WDR36: variants seen among roughly 807,000 people sequenced by gnomAD.
WDR36 encodes the protein WD repeat-containing protein 36.
WDR36 carries 63 observed loss-of-function variants against 112.7 expected under a neutral mutation model. That is an observed-to-expected ratio of 0.56 (90% CI 0.46 to 0.69). The LOEUF is 0.69. Among genes scored for constraint, WDR36 ranks in the 30% least tolerant of loss-of-function variants. WDR36 has a pLI of 0.00. For missense variants in WDR36, 1,226 were observed against 1,070.3 expected, an observed-to-expected ratio of 1.15 and a Z score of -2.03; for synonymous variants, 410 against 362.2, an observed-to-expected ratio of 1.13 and a Z score of -1.50.
At chr5:111,126,313 CTG>C (rs1201547417) in intron 22 of WDR36, among the ~76,000 whole-genome samples, 1 of 151,932 alleles carries the variant, frequency 6.6e-6, no homozygotes, top group African/African-American at 2.4e-5. Flanking sequence ...GACAATAAGA[CTG>C]TTACTTTTAT....
chr5:111,092,587 C>T lies in WDR36; in HGVS notation c.131C>T (p.Thr44Ile), dbSNP rs775806252. 2 of 1,613,894 alleles carry T rather than the reference C, an allele frequency of 1.2e-6. No homozygotes were observed. Among genetic ancestry groups the T allele is most frequent in the African/African-American group, 1.3e-5 (1 of 74,964 alleles). ...SALKRRFYVT[T>I]CVGKSFHTYD... ...CTCAAGCGCCGGTTCTATGTAACAA[C>T]CTGCGTGGGCAAGAGTTTCCACACC... Residue 44 changes from threonine to isoleucine, a missense_variant, in exon 1 of 23, where the codon ACC becomes ATC. Physicochemically the swap from Thr to Ile is moderately conservative, Grantham distance 89 (BLOSUM62 -1). Coordinates refer to ENST00000513710, the MANE Select transcript of WDR36 (RefSeq NM_139281.3).
intron 16 of WDR36, among the ~76,000 whole-genome samples, chr5:111,113,780 TCA>T (rs147533988): frequency 0.01 from 1,574 of 152,218 alleles, 24 homozygotes; most frequent in African/African-American, 0.036. Flanking sequence ...GTATGGAGAA[TCA>T]CAGAGTAAGG....
At chr5:111,115,872 A>G (rs770288086) in intron 16 of WDR36, among the ~76,000 whole-genome samples, 1 of 152,128 alleles carries the variant, frequency 6.6e-6, no homozygotes, top group Non-Finnish European at 1.5e-5. Context: ...TAAAATTATC[A>G]TTCCTCTGCC....
chr5:111,125,872 G>A, intron 22 of WDR36, 77 bp downstream of exon 22: 27 of 1,495,850 alleles, frequency 1.8e-5, no homozygotes, highest in Non-Finnish European at 2.3e-5. Context: ...TTTCTGCAAA[G>A]ATGGGTATGC....
chr5:111,110,972 T>A lies in WDR36; in HGVS notation c.1607+19T>A. Reference sequence around the variant, plus strand: ...GGGACAGGTAAACTTTTAATGATAATGGATTTTCTCTTTGATTCTTTTGGT... The same window carrying A: ...GGGACAGGTAAACTTTTAATGATAAAGGATTTTCTCTTTGATTCTTTTGGT... On this transcript the variant is annotated intron_variant, in intron 14 of 22. Coordinates refer to ENST00000513710, the MANE Select transcript of WDR36 (RefSeq NM_139281.3). 12 of 1,610,174 alleles carry A rather than the reference T, an allele frequency of 7.5e-6. No individual in the cohort carries two copies. Among genetic ancestry groups the A allele is most frequent in the Non-Finnish European group, 9.3e-6 (11 of 1,177,440 alleles).
chr5:111,094,763 A>G (rs922438328), intron 1 of WDR36, among the ~76,000 whole-genome samples, 157 bp from the exon 2 acceptor site: 6 of 152,170 alleles, frequency 3.9e-5, no homozygotes, highest in African/African-American at 1.4e-4. Context: ...TGAAAATATA[A>G]ACTTTCCTAA....
Position 111,118,385 on chromosome 5 carries a change from T to G in WDR36, c.1797-628T>G, listed in dbSNP as rs184243399. 2.5e-3 allele frequency among the ~76,000 whole-genome samples: 382 copies of G among 152,286 alleles called. 2 individuals are homozygous for G. Among genetic ancestry groups the G allele is most frequent in the African/African-American group, 8.6e-3 (359 of 41,566 alleles). On this transcript the variant is annotated intron_variant, in intron 16 of 22. Transcript: ENST00000513710. ...AGTCTTCTACCTGGTTTGTGGTTAC[T>G]CTCCCTTTCACCCCAACTTGTAAAT...
intron 6 of WDR36, among the ~76,000 whole-genome samples, chr5:111,102,971 G>T (rs192878442): frequency 6.6e-6 from 1 of 151,472 alleles, no homozygotes; most frequent in East Asian, 1.9e-4. Flanking sequence ...GTCTATACTT[G>T]CCCAATTTAT....
At chr5:111,096,714 GAA>G (rs112648944) in intron 2 of WDR36, among the ~76,000 whole-genome samples, 2 of 141,852 alleles carry the variant, frequency 1.4e-5, no homozygotes, top group African/African-American at 5.1e-5. Context: ...TCAAAAAAAA[GAA>G]AAAAAAAAAG....
Position 111,121,049 on chromosome 5 carries a change from G to T in WDR36, c.2056G>T (p.Asp686Tyr). The change falls in exon 19 of 23, where the codon GAT becomes TAT. Residue 686 changes from aspartate to tyrosine, a missense_variant. By Grantham distance (160) the Asp-to-Tyr change is radical. Coordinates refer to ENST00000513710, the MANE Select transcript of WDR36 (RefSeq NM_139281.3). ...ACCAAGTGATGAATTGATAGAATATGATTCGCCAGAACAGTTGAATGAGCA... is the reference window on the plus strand; with the variant it reads ...ACCAAGTGATGAATTGATAGAATATTATTCGCCAGAACAGTTGAATGAGCA... ...VEPSDELIEY[D>Y]SPEQLNEQLV... 2.5e-6 allele frequency: 4 copies of T among 1,613,544 alleles called. No individual in the cohort carries two copies. The highest frequency in any genetic ancestry group is 3.4e-6 in the Non-Finnish European group (4 of 1,179,614).
intron 12 of WDR36, among the ~76,000 whole-genome samples, chr5:111,107,986 A>G (rs1598729): frequency 0.35 from 52,120 of 150,676 alleles, 9,306 homozygotes; most frequent in Middle Eastern, 0.48. Flanking sequence ...GCATTTCCGT[A>G]TGGATTTTAG....
chr5:111,110,240 G>A lies in WDR36; in HGVS notation c.1378G>A (p.Gly460Arg). 6.2e-7 allele frequency: 1 copy of A among 1,610,972 alleles called. No individual in the cohort carries two copies. The highest frequency in any genetic ancestry group is 8.5e-7 in the Non-Finnish European group (1 of 1,177,726). ...CTTTGCTGTAATTGGCCTCTCATCA[G>A]GAACTGTAGATGTATATAACATGCA... ...GNFAVIGLSSGTVDVYNMQSG... is the reference protein window; with the variant it reads ...GNFAVIGLSSRTVDVYNMQSG... Residue 460 changes from glycine (G) to arginine (R), a missense_variant, in exon 13 of 23, where the codon GGA becomes AGA. Coordinates refer to ENST00000513710, the MANE Select transcript of WDR36 (RefSeq NM_139281.3).
chr5:111,129,341 C>G lies in WDR36; in HGVS notation c.*2458C>G, dbSNP rs1753738982. ...CATTTGGGTTCCAGAATGGCTGTATCAAGTTACAGTTCCCCTGAGCAAGAT... is the reference window on the plus strand; with the variant it reads ...CATTTGGGTTCCAGAATGGCTGTATGAAGTTACAGTTCCCCTGAGCAAGAT... On this transcript the variant is annotated 3_prime_UTR_variant, in exon 23 of 23. Transcript: ENST00000513710. 5.2e-6 allele frequency: 1 copy of G among 193,562 alleles called. No homozygotes were observed. Among genetic ancestry groups the G allele is most frequent in the Non-Finnish European group, 1.1e-5 (1 of 92,842 alleles). 12.0% of individuals were successfully genotyped at this position (193,562 alleles called of 1,614,324 possible).
intron 21 of WDR36, 76 bp downstream of exon 21, chr5:111,124,265 T>A: frequency 1.7e-6 from 2 of 1,146,360 alleles, no homozygotes; most frequent in Non-Finnish European, 2.5e-6. Context: ...TTGAAGGAAA[T>A]ATCAGCGTTC....
chr5:111,099,734 A>G (rs1388022741), intron 4 of WDR36, among the ~76,000 whole-genome samples: 1 of 151,894 alleles, frequency 6.6e-6, no homozygotes, highest in African/African-American at 2.4e-5. Context: ...AAAGGCAAGG[A>G]TCTCTTAAAA....
At chr5:111,109,697 C>G (rs1753288746) in intron 12 of WDR36, among the ~76,000 whole-genome samples, 2 of 151,184 alleles carry the variant, frequency 1.3e-5, no homozygotes. Context: ...CAAATGTTTT[C>G]TCTGTAGTGT....
At chr5:111,126,293 T>C (rs1753677439) in intron 22 of WDR36, among the ~76,000 whole-genome samples, 1 of 152,186 alleles carries the variant, frequency 6.6e-6, no homozygotes, top group African/African-American at 2.4e-5. Flanking sequence ...TAAAGGAGTT[T>C]TGATCATTTG....
intron 7 of WDR36, 25 bp from the exon 8 acceptor site, chr5:111,104,152 T>A: frequency 6.3e-7 from 1 of 1,593,200 alleles, no homozygotes; most frequent in Non-Finnish European, 8.6e-7. Context: ...AGTATTTTTC[T>A]TAATGTATTT....
chr5:111,110,845 C>G lies in WDR36; in HGVS notation c.1499C>G (p.Thr500Arg). 1.2e-6 allele frequency: 2 copies of G among 1,611,500 alleles called. No individual in the cohort carries two copies. The highest frequency in any genetic ancestry group is 1.7e-6 in the Non-Finnish European group (2 of 1,178,410). ...AVDGLNQLTV[T>R]TGSEGLLKFW... ...GATGGATTAAACCAGTTGACAGTTA[C>G]AACTGGTAGTGAAGGATTACTCAAA... Residue 500 changes from threonine (T) to arginine (R), a missense_variant, in exon 14 of 23, where the codon ACA (threonine) becomes AGA (arginine). By Grantham distance (71) the Thr-to-Arg change is moderately conservative (BLOSUM62 -1). Coordinates refer to ENST00000513710, the MANE Select transcript of WDR36 (RefSeq NM_139281.3).
Sources: gnomAD v4.1 joint callset for allele counts (sites outside exome capture counted in the v4.1 genomes callset) on GRCh38, gnomAD v4.1.1 for gene constraint, MANE v1.5 for transcripts, NCBI Gene and HGNC (gene_info 2026-07-23, HGNC 2026-07-21) for gene names.